The following BCORL1 variants were observed in gnomAD, a reference collection of about 807,000 sequenced individuals.
BCORL1 encodes BCL-6 corepressor-like protein 1.
Under a neutral mutation model 87.6 loss-of-function variants are expected in BCORL1, and 7 were observed. The ratio of observed to expected loss-of-function variants is 0.08; its 90% CI spans 0.05 to 0.15. The LOEUF (loss-of-function observed/expected upper bound fraction) is 0.15. BCORL1 is among the 10% of genes least tolerant of loss of function. BCORL1 has a pLI of 1.00. For synonymous variants in BCORL1, 591 were observed against 634.4 expected, an observed-to-expected ratio of 0.93 and a Z score of 1.03; for missense variants, 1,215 against 1,499.7, an observed-to-expected ratio of 0.81 and a Z score of 3.13.
At chrX:129,999,273 C>T (rs1319153705) in intron 1 of BCORL1, among the ~76,000 whole-genome samples, 1 of 81,139 alleles carries the variant, frequency 1.2e-5, no homozygotes, top group African/African-American at 4.6e-5. Flanking sequence ...GCAACTAAAA[C>T]TTGTACTTTG....
At chrX:129,993,183 A>G (rs1168627045) in intron 1 of BCORL1, among the ~76,000 whole-genome samples, 3 of 112,229 alleles carry the variant, frequency 2.7e-5, no homozygotes, top group Non-Finnish European at 5.6e-5. Context: ...TAATTTCACA[A>G]TGATCACTTA....
At chrX:130,045,710 C>T (rs1056913280) in intron 11 of BCORL1, among the ~76,000 whole-genome samples, 7 of 110,907 alleles carry the variant, frequency 6.3e-5, no homozygotes, top group Non-Finnish European at 1.1e-4. Flanking sequence ...CTCGACCTCC[C>T]GGGTTCAAGC....
intron 8 of BCORL1, among the ~76,000 whole-genome samples, chrX:130,032,085 G>A (rs1035435009): frequency 2.7e-5 from 3 of 111,786 alleles, no homozygotes; most frequent in Non-Finnish European, 5.6e-5. Flanking sequence ...TGGATAAGTC[G>A]GAAATACTAG....
chrX:130,040,273 T>C (rs1266894639), intron 11 of BCORL1, among the ~76,000 whole-genome samples: 1 of 112,356 alleles, frequency 8.9e-6, no homozygotes, highest in Non-Finnish European at 1.9e-5. Flanking sequence ...CGAACCTCTA[T>C]ACCTCCAGAT....
chrX:130,044,376 C>T (rs1247252034), intron 11 of BCORL1, among the ~76,000 whole-genome samples: 1 of 111,338 alleles, frequency 9.0e-6, no homozygotes, highest in Non-Finnish European at 1.9e-5. Flanking sequence ...GTGCACAGGG[C>T]TCCATTTTTG....
chrX:130,043,784 A>ATATT (rs1556131020), intron 11 of BCORL1, among the ~76,000 whole-genome samples: 4 of 15,966 alleles, frequency 2.5e-4, no homozygotes, highest in East Asian at 5.2e-3. Context: ...ATATATATAT[A>ATATT]TTTTTTTTTT....
At chrX:130,046,470 C>T (rs913158657) in intron 11 of BCORL1, among the ~76,000 whole-genome samples, 53 of 109,900 alleles carry the variant, frequency 4.8e-4, no homozygotes, top group African/African-American at 1.4e-3. Context: ...CCTCCGCCTC[C>T]GCCTCCCAGG....
chrX:130,012,759 G>T, intron 3 of BCORL1, 91 bp downstream of exon 3: 1 of 1,016,484 alleles, frequency 9.8e-7, no homozygotes, highest in Middle Eastern at 3.6e-4. Flanking sequence ...CCAGGAAGTG[G>T]GCAGGAAGGG....
chrX:130,011,939 T>C (rs1929009037), intron 2 of BCORL1, among the ~76,000 whole-genome samples: 1 of 111,133 alleles, frequency 9.0e-6, no homozygotes, highest in Admixed American at 9.6e-5. Flanking sequence ...AAAAGTAGTA[T>C]TCTTAAAATG....
In BCORL1 at chrX:130,014,077, G is replaced by A. The variant is rs1432673462; in HGVS notation, c.1305G>A (p.Leu435=). Residue 435 remains leucine, a synonymous_variant, in exon 4 of 14, where the codon CTG becomes CTA. Transcript: ENST00000540052. The stretch of plus-strand genomic sequence containing the variant: ...CACCAGCTATGCAAAAAGTCCCCCT[G>A]TCCTTTCAGCCAGGGACAGTGCTGA... ...AQAPAMQKVP[L]SFQPGTVLTP... 2 of 1,208,814 alleles carry A rather than the reference G, an allele frequency of 1.7e-6. No homozygotes were observed. The highest frequency in any genetic ancestry group is 2.2e-6 in the Non-Finnish European group (2 of 893,576).
intron 2 of BCORL1, 148 bp from the exon 3 acceptor site, chrX:130,012,430 C>T (rs1247208602): frequency 6.1e-6 from 3 of 494,302 alleles, no homozygotes; most frequent in Non-Finnish European, 1.0e-5. Flanking sequence ...ACCCCCAGTT[C>T]CTTGTAATCC....
At chrX:130,042,850 G>A (rs1200334788) in intron 11 of BCORL1, among the ~76,000 whole-genome samples, 4 of 108,932 alleles carry the variant, frequency 3.7e-5, no homozygotes, top group African/African-American at 1.0e-4. Context: ...GTGCATGCCT[G>A]TAATCCCAGC....
chrX:130,026,718 A>G lies in BCORL1; in HGVS notation c.4078+1339A>G, dbSNP rs753032387. Among the ~76,000 whole-genome samples the G allele has an allele frequency of 4.4e-5, 5 of 112,908 alleles. No homozygotes were observed. In the East Asian group the frequency reaches 8.3e-4, roughly 19 times the overall value. On this transcript the variant is annotated intron_variant, in intron 7 of 13. Transcript: ENST00000540052. ...TGACAGGTAGCCAGCCAGCCTTTTCATGAACACACCTCCAGTAACGCAGAG... is the reference window on the plus strand; with the variant it reads ...TGACAGGTAGCCAGCCAGCCTTTTCGTGAACACACCTCCAGTAACGCAGAG...
Position 130,015,057 on chromosome X carries a change from C to T in BCORL1, c.2285C>T (p.Thr762Ile), listed in dbSNP as rs1460653306. Residue 762 changes from threonine to isoleucine, a missense_variant, in exon 4 of 14, where the codon ACT (threonine) becomes ATT (isoleucine). This residue lies in a region of BCORL1 where 861 missense variants were observed against 1,010.0 expected (regional missense o/e 0.85). Transcript: ENST00000540052. Reference protein sequence around the residue: ...SIIDQGEPKGTGATCGKKGSQ... With the variant: ...SIIDQGEPKGIGATCGKKGSQ... ...ATTGATCAAGGAGAGCCTAAGGGCACTGGTGCCACGTGTGGCAAAAAGGGC... is the reference window on the plus strand; with the variant it reads ...ATTGATCAAGGAGAGCCTAAGGGCATTGGTGCCACGTGTGGCAAAAAGGGC... 1 of 1,212,140 alleles carries T rather than the reference C, an allele frequency of 8.2e-7. No homozygotes were observed. Among genetic ancestry groups the T allele is most frequent in the Admixed American group, 2.2e-5 (1 of 46,121 alleles).
At chrX:129,982,990 C>T (rs1926246006) in intron 1 of BCORL1, among the ~76,000 whole-genome samples, 2 of 108,078 alleles carry the variant, frequency 1.9e-5, no homozygotes, top group Non-Finnish European at 1.9e-5. Flanking sequence ...AGCCTTTCTC[C>T]AACCCTGTTC....
At chrX:129,988,293 A>G (rs1462060538) in intron 1 of BCORL1, among the ~76,000 whole-genome samples, 3 of 111,871 alleles carry the variant, frequency 2.7e-5, no homozygotes, top group Non-Finnish European at 5.6e-5. Context: ...CTTAAAAGCA[A>G]TCTTTTATGA....
At chrX:129,990,473 C>T (rs780937299) in intron 1 of BCORL1, among the ~76,000 whole-genome samples, 27 of 111,088 alleles carry the variant, frequency 2.4e-4, no homozygotes, top group African/African-American at 6.9e-4. Flanking sequence ...CCTCGTGATC[C>T]GCCCGCCTTG....
chrX:129,992,377 G>A (rs983989784), intron 1 of BCORL1, among the ~76,000 whole-genome samples: 2 of 111,809 alleles, frequency 1.8e-5, no homozygotes, highest in Non-Finnish European at 3.8e-5. Flanking sequence ...ACTTGAGCCC[G>A]GGAGTGCCGC....
chrX:130,002,432 TG>T (rs1482922342), intron 1 of BCORL1, among the ~76,000 whole-genome samples: 2 of 100,230 alleles, frequency 2.0e-5, no homozygotes, highest in Non-Finnish European at 4.0e-5. Context: ...GAGAGATGGG[TG>T]GGGGAAGCCA....
Sources: gnomAD v4.1 joint callset for allele counts (sites outside exome capture counted in the v4.1 genomes callset) on GRCh38, gnomAD v4.1.1 for gene constraint, gnomAD v4.1.1 regional missense constraint, MANE v1.5 for transcripts, NCBI Gene and HGNC (gene_info 2026-07-23, HGNC 2026-07-21) for gene names.